PTPRG: variants seen among roughly 807,000 people sequenced by gnomAD.
The protein encoded by PTPRG is protein tyrosine phosphatase receptor type G, also known as receptor-type tyrosine-protein phosphatase gamma.
In PTPRG, 102 loss-of-function variants were observed where a neutral mutation model predicts 165.3. The ratio of observed to expected loss-of-function variants is 0.62; its 90% CI spans 0.53 to 0.73. The LOEUF is 0.73. Ranked by LOEUF, PTPRG falls within the 30% of genes least tolerant of loss-of-function variation. PTPRG has a pLI of 0.00. For synonymous variants in PTPRG, 675 were observed against 669.5 expected, an observed-to-expected ratio of 1.01 and a Z score of -0.13; for missense variants, 1,866 against 1,861.4, an observed-to-expected ratio of 1.00 and a Z score of -0.05.
At chr3:61,903,429 A>G (rs148089415) in intron 2 of PTPRG, among the ~76,000 whole-genome samples, 604 of 152,290 alleles carry the variant, frequency 4.0e-3, no homozygotes, top group African/African-American at 0.014. Context: ...GCTGGAGTGC[A>G]GTGGCACAAT....
At chr3:61,844,355 CTTAAAT>C (rs1329779678) in intron 2 of PTPRG, among the ~76,000 whole-genome samples, 1 of 152,194 alleles carries the variant, frequency 6.6e-6, no homozygotes. Context: ...AGGATGCCCA[CTTAAAT>C]TTGAATTTTA....
intron 2 of PTPRG, among the ~76,000 whole-genome samples, chr3:61,880,312 C>A (rs1464882917): frequency 6.6e-6 from 1 of 152,166 alleles, no homozygotes; most frequent in Non-Finnish European, 1.5e-5. Context: ...TTTTAGAATA[C>A]ATTTAGCAAC....
At chr3:62,274,870 C>T (rs1027683585) in intron 23 of PTPRG, among the ~76,000 whole-genome samples, 1 of 152,030 alleles carries the variant, frequency 6.6e-6, no homozygotes, top group Non-Finnish European at 1.5e-5. Flanking sequence ...ATATTAAGTA[C>T]CAACATTTCT....
chr3:61,909,886 A>C (rs1322102359), intron 2 of PTPRG, among the ~76,000 whole-genome samples: 2 of 152,208 alleles, frequency 1.3e-5, no homozygotes, highest in African/African-American at 4.8e-5. Context: ...AAATCATTTA[A>C]ACACTTTTTT....
intron 2 of PTPRG, among the ~76,000 whole-genome samples, chr3:61,930,692 A>G (rs2039337519): frequency 6.6e-6 from 1 of 152,218 alleles, no homozygotes; most frequent in Non-Finnish European, 1.5e-5. Context: ...TGGGTGTTCC[A>G]AAATTACAAT....
Position 62,168,075 on chromosome 3 carries a change from G to A in PTPRG, c.945G>A (p.Arg315=). 6.2e-7 allele frequency: 1 copy of A among 1,614,022 alleles called. No individual in the cohort carries two copies. The highest frequency in any genetic ancestry group is 8.5e-7 in the Non-Finnish European group (1 of 1,179,986). Residue 315 remains arginine, a synonymous_variant, in exon 8 of 30, where the codon AGG becomes AGA. Transcript: ENST00000474889. ...GACCACAGCAGCGTCTGCATGACAG[G>A]GTGGTGTCCAAGTCCGCCGTCCGTG... ...NFRPQQRLHD[R]VVSKSAVRDS... is the part of the protein sequence containing the mutation.
intron 1 of PTPRG, among the ~76,000 whole-genome samples, chr3:61,595,269 G>A (rs1047979289): frequency 1.3e-5 from 2 of 150,986 alleles, no homozygotes; most frequent in Non-Finnish European, 2.9e-5. Context: ...TATGCTAGGT[G>A]CTAGTACATA....
chr3:62,097,889 T>C (rs1172121057), intron 5 of PTPRG, among the ~76,000 whole-genome samples: 2 of 152,206 alleles, frequency 1.3e-5, no homozygotes, highest in Non-Finnish European at 2.9e-5. Context: ...TTCAGTGAAA[T>C]GTTTTTAAAT....
chr3:62,176,414 A>C (rs1705425641), intron 8 of PTPRG, among the ~76,000 whole-genome samples: 1 of 152,178 alleles, frequency 6.6e-6, no homozygotes, highest in African/African-American at 2.4e-5. Flanking sequence ...CTTATGTCCA[A>C]ACGCAATATT....
intron 1 of PTPRG, among the ~76,000 whole-genome samples, chr3:61,727,238 T>G (rs2032304683): frequency 6.6e-6 from 1 of 151,252 alleles, no homozygotes; most frequent in African/African-American, 2.4e-5. Context: ...GATGGAGTAG[T>G]GCGGTGGAGT....
intron 26 of PTPRG, among the ~76,000 whole-genome samples, chr3:62,279,347 T>C (rs960760246): frequency 6.6e-6 from 1 of 152,066 alleles, no homozygotes; most frequent in Non-Finnish European, 1.5e-5. Context: ...TCTTAGACTT[T>C]CAAGATGAAC....
rs1206931665 is a variant in PTPRG, at chr3:62,228,085, A to G, written c.2289-3140A>G. Among the ~76,000 whole-genome samples, 1 of 151,876 alleles carries G rather than the reference A, an allele frequency of 6.6e-6. No homozygotes were observed. Among genetic ancestry groups the G allele is most frequent in the Non-Finnish European group, 1.5e-5 (1 of 68,006 alleles). ...GGCCCCTGTGGGTGGTTGATTTTGC[A>G]TTCCCCTGGGTTGCAATAGTGATCA... On this transcript the variant is annotated intron_variant, in intron 13 of 29. Coordinates refer to ENST00000474889, the MANE Select transcript of PTPRG (RefSeq NM_002841.4). The surrounding 1 kb of genome is among the most constrained non-coding windows in gnomAD (Gnocchi z 4.1).
At chr3:61,863,760 A>G (rs749091232) in intron 2 of PTPRG, among the ~76,000 whole-genome samples, 2 of 152,200 alleles carry the variant, frequency 1.3e-5, no homozygotes, top group Non-Finnish European at 2.9e-5. Flanking sequence ...TTGTCATAGC[A>G]TTCTGAACAT....
chr3:62,093,396 C>T (rs535145872), intron 5 of PTPRG, among the ~76,000 whole-genome samples: 17 of 152,186 alleles, frequency 1.1e-4, no homozygotes, highest in Middle Eastern at 3.2e-3. Flanking sequence ...TTATAGTGAA[C>T]GGCAGGAAGC....
intron 4 of PTPRG, among the ~76,000 whole-genome samples, chr3:62,006,991 A>G (rs1327206696): frequency 1.3e-5 from 2 of 152,214 alleles, no homozygotes; most frequent in African/African-American, 4.8e-5. Flanking sequence ...AAGTCATTCC[A>G]TCCTCTTTGG....
At chr3:61,987,469 T>G (rs1262220347) in intron 2 of PTPRG, among the ~76,000 whole-genome samples, 2 of 152,202 alleles carry the variant, frequency 1.3e-5, no homozygotes, top group African/African-American at 4.8e-5. Context: ...TTTAAATTGT[T>G]AGTAGTAGGA....
intron 1 of PTPRG, among the ~76,000 whole-genome samples, chr3:61,621,648 C>T (rs567490020): frequency 6.6e-6 from 1 of 152,218 alleles, no homozygotes. Flanking sequence ...ACAGTATTTT[C>T]CAAATATATT....
chr3:61,909,102 TC>T (rs1291773799), intron 2 of PTPRG, among the ~76,000 whole-genome samples: 193 of 152,348 alleles, frequency 1.3e-3, no homozygotes, highest in African/African-American at 4.3e-3. Context: ...TTGGTTTCAT[TC>T]CTTGGCCAAT....
intron 2 of PTPRG, among the ~76,000 whole-genome samples, chr3:61,818,079 A>G (rs534642315): frequency 6.6e-6 from 1 of 152,256 alleles, no homozygotes. Flanking sequence ...TAAGAACTAG[A>G]AAAGCTCCAC....
Sources: gnomAD v4.1 joint callset for allele counts (sites outside exome capture counted in the v4.1 genomes callset) on GRCh38, gnomAD v4.1.1 for gene constraint, Gnocchi (gnomAD v3.1) non-coding constraint, MANE v1.5 for transcripts, NCBI Gene and HGNC (gene_info 2026-07-23, HGNC 2026-07-21) for gene names.